The following BATF2 variants were observed in gnomAD, a reference collection of about 807,000 sequenced individuals.
The protein encoded by BATF2 is basic leucine zipper ATF-like transcription factor 2, also known as basic leucine zipper transcriptional factor ATF-like 2.
A neutral mutation model predicts 7.3 loss-of-function variants in BATF2; 4 were observed. The observed-to-expected ratio is 0.55, with a 90% confidence interval of 0.27 to 1.26. BATF2 has a LOEUF of 1.26. Among genes scored for constraint, BATF2 ranks in the 50% most tolerant of loss-of-function variants. The pLI, the probability that BATF2 is intolerant of heterozygous loss-of-function variation, is 0.11. For synonymous variants in BATF2, 152 were observed against 153.9 expected (o/e 0.99, Z 0.09); for missense variants, 295 against 340.5 (o/e 0.87, Z 1.05).
chr11:64,992,671 G>T (rs1276800546), intron 2 of BATF2, among the ~76,000 whole-genome samples: 1 of 151,690 alleles, frequency 6.6e-6, no homozygotes, highest in African/African-American at 2.4e-5. Context: ...GACCAGCCTG[G>T]GCTACATGGA....
At chr11:64,996,323 C>A (rs1415486927) in intron 1 of BATF2, among the ~76,000 whole-genome samples, 1 of 152,180 alleles carries the variant, frequency 6.6e-6, no homozygotes, top group African/African-American at 2.4e-5. Flanking sequence ...GTGACATGAG[C>A]TCAGCTTACT....
Position 64,991,127 on chromosome 11 carries a change from G to A in BATF2, c.142-1315C>T, listed in dbSNP as rs543297416. On this transcript the variant is annotated intron_variant, in intron 2 of 2. Coordinates refer to ENST00000301887, the MANE Select transcript of BATF2 (RefSeq NM_138456.4). ...TGAAAGCCACCAGCCCCATTGCCAC[G>A]CTGGTTTCTACATGTGGAATGATGA... Among the ~76,000 whole-genome samples the A allele has an allele frequency of 6.8e-5, 10 of 147,064 alleles. No homozygotes were observed. In the South Asian group the frequency reaches 2.0e-3, roughly 29 times the overall value.
At chr11:64,992,736 C>A (rs1191880848) in intron 2 of BATF2, among the ~76,000 whole-genome samples, 1 of 151,622 alleles carries the variant, frequency 6.6e-6, no homozygotes, top group African/African-American at 2.4e-5. Flanking sequence ...TGGTGCATGC[C>A]TGTAGTCTCA....
chr11:64,989,743 C>T lies in BATF2; in HGVS notation c.211G>A (p.Ala71Thr), dbSNP rs1565165570. 5.0e-6 allele frequency: 8 copies of T among 1,614,028 alleles called. No homozygotes were observed. The highest frequency in any genetic ancestry group is 1.7e-5 in the Admixed American group (1 of 60,026). ...ACGTGCAGGGTCCGGCTCCACCACG[C>T]CAGCTCGGCCTGCAGGGACTGGATC... The part of the protein sequence containing the change: ...KEIQSLQAEL[A>T]WWSRTLHVHE... The change falls in exon 3 of 3, where the codon GCG becomes ACG. Residue 71 changes from alanine to threonine, a missense_variant. Physicochemically the swap from Ala to Thr is moderately conservative, Grantham distance 58. Coordinates refer to ENST00000301887, the MANE Select transcript of BATF2 (RefSeq NM_138456.4). This position sits in a 1 kb window ranked among gnomAD's most constrained non-coding sequence, Gnocchi z 4.3.
chr11:64,995,252 G>T (rs12290575), intron 1 of BATF2, among the ~76,000 whole-genome samples: 2 of 152,152 alleles, frequency 1.3e-5, no homozygotes, highest in Non-Finnish European at 2.9e-5. Context: ...GCCCAGAGCC[G>T]GCGTGCCATA....
chr11:64,994,364 C>T, intron 2 of BATF2, 84 bp downstream of exon 2: 1 of 1,329,556 alleles, frequency 7.5e-7, no homozygotes, highest in South Asian at 1.3e-5. Flanking sequence ...TGGGGGAGGT[C>T]TGCTCAAAGG....
In BATF2 at chr11:64,989,898, A is replaced by C. The variant is rs1196540063; in HGVS notation, c.142-86T>G. ...GCCTTAGCCCCTTCCAGGGTCCTCA[A>C]CTTCAGGAGAAAGATGCCACCACCA... On this transcript the variant is annotated intron_variant, in intron 2 of 2. Transcript: ENST00000301887. This position sits in a 1 kb window ranked among gnomAD's most constrained non-coding sequence, Gnocchi z 4.3. 6.7e-7 allele frequency: 1 copy of C among 1,498,174 alleles called. No individual in the cohort carries two copies. Among genetic ancestry groups the C allele is most frequent in the East Asian group, 2.4e-5 (1 of 41,672 alleles). The allele number at this position is 1,498,174 out of a possible 1,614,324, so 92.8% of individuals were successfully genotyped here.
At chr11:64,991,196 G>A (rs556776538) in intron 2 of BATF2, among the ~76,000 whole-genome samples, 10 of 137,136 alleles carry the variant, frequency 7.3e-5, no homozygotes, top group East Asian at 4.2e-4. Flanking sequence ...TTGCTCTGTC[G>A]CCCAGGCTGG....
rs1256218510 is a variant in BATF2, at chr11:64,988,953, G to T, written c.*176C>A. 4 of 630,122 alleles carry T rather than the reference G, an allele frequency of 6.3e-6. No individual in the cohort carries two copies. Among genetic ancestry groups the T allele is most frequent in the Admixed American group, 5.9e-5 (2 of 34,066 alleles). The allele number at this position is 630,122 out of a possible 1,614,324, so 39.0% of individuals were successfully genotyped here. A position where few individuals can be genotyped will look rare whatever the true frequency, so the allele number is the denominator to read the frequency against. On this transcript the variant is annotated 3_prime_UTR_variant, in exon 3 of 3. Coordinates refer to ENST00000301887, the MANE Select transcript of BATF2 (RefSeq NM_138456.4). ...GTGAGGTTGAAATAAGATATTGGTG[G>T]TGACAGGGCCTGTCACAGTGGGAGG... is the stretch of plus-strand genomic sequence containing the variant.
At chr11:64,990,167 G>C in intron 2 of BATF2, 1 of 1,535,712 alleles carries the variant, frequency 6.5e-7, no homozygotes, top group Non-Finnish European at 8.7e-7. Context: ...ATTAATTGCA[G>C]GTTAAAGCCC....
At chr11:64,996,585 T>G (rs1008098292) in intron 1 of BATF2, among the ~76,000 whole-genome samples, 1 of 151,940 alleles carries the variant, frequency 6.6e-6, no homozygotes, top group Admixed American at 6.6e-5. Flanking sequence ...CTGCTGTGAG[T>G]GTAGTGAGGG....
chr11:64,994,448 C>T lies in BATF2; in HGVS notation c.141G>A (p.Gln47=), dbSNP rs749485710. 2 of 1,576,326 alleles carry T rather than the reference C, an allele frequency of 1.3e-6. No individual in the cohort carries two copies. The highest frequency in any genetic ancestry group is 8.6e-7 in the Non-Finnish European group (1 of 1,160,590). Reference sequence around the variant, plus strand: ...GAAAGGGGTTAGGGGTTGTCCACACCTGGTGCAGGGCGTCTGCCTTGTCTG... The same window carrying T: ...GAAAGGGGTTAGGGGTTGTCCACACTTGGTGCAGGGCGTCTGCCTTGTCTG... ...KHTDKADALH[Q]QHESLEKDNL... is the part of the protein sequence containing the mutation. Residue 47 remains glutamine, a splice_region_variant and synonymous_variant, in exon 2 of 3, where the codon CAG becomes CAA. Transcript: ENST00000301887.
chr11:64,989,291 G>A lies in BATF2; in HGVS notation c.663C>T (p.Ser221=), dbSNP rs1946051463. 6.3e-6 allele frequency: 10 copies of A among 1,592,176 alleles called. No homozygotes were observed. The highest frequency in any genetic ancestry group is 7.7e-6 in the Non-Finnish European group (9 of 1,168,420). ...LEHPTRGKLG[S]SPDNPSSALG... The stretch of plus-strand genomic sequence containing the variant: ...GGGCAGAGGAAGGGTTGTCGGGAGA[G>A]GACCCCAGCTTCCCTCTGGTGGGAT... The change falls in exon 3 of 3, where the codon TCC becomes TCT. Residue 221 remains serine, a synonymous_variant. Transcript: ENST00000301887. This position sits in a 1 kb window ranked among gnomAD's most constrained non-coding sequence, Gnocchi z 4.3.
At chr11:64,990,044 C>G in intron 2 of BATF2, 1 of 1,537,540 alleles carries the variant, frequency 6.5e-7, no homozygotes, top group Non-Finnish European at 8.7e-7. Context: ...CATCCCACCA[C>G]TAGTGCCCTG....
In BATF2 at chr11:64,994,484, C is replaced by T. The variant is rs762611825; in HGVS notation, c.105G>A (p.Arg35=). 26 of 1,600,398 alleles carry T rather than the reference C, an allele frequency of 1.6e-5. No individual in the cohort carries two copies. The highest frequency in any genetic ancestry group is 6.9e-5 in the Admixed American group (4 of 57,792). Residue 35 remains arginine (R), a synonymous_variant, in exon 2 of 3, where the codon CGG becomes CGA. Transcript: ENST00000301887. ...QKNRAAAQRS[R]QKHTDKADAL... is the part of the protein sequence containing the mutation. Reference sequence around the variant, plus strand: ...CGTCTGCCTTGTCTGTGTGCTTCTGCCGGCTTCGCTGGGCGGCTGCCCGGT... The same window carrying T: ...CGTCTGCCTTGTCTGTGTGCTTCTGTCGGCTTCGCTGGGCGGCTGCCCGGT...
chr11:64,990,123 C>G, intron 2 of BATF2: 1 of 1,535,756 alleles, frequency 6.5e-7, no homozygotes, highest in Non-Finnish European at 8.7e-7. Context: ...ACCACCTATT[C>G]TCTTGCCCAC....
In BATF2 at chr11:64,990,505, T is replaced by C. The variant is rs74601895; in HGVS notation, c.142-693A>G. Reference sequence around the variant, plus strand: ...AGGATTCAGGGGATTGTTTTACAGGTTGACAGCATGAGTGTGTTCGATTCT... The same window carrying C: ...AGGATTCAGGGGATTGTTTTACAGGCTGACAGCATGAGTGTGTTCGATTCT... On this transcript the variant is annotated intron_variant, in intron 2 of 2. Coordinates refer to ENST00000301887, the MANE Select transcript of BATF2 (RefSeq NM_138456.4). 2,542 of 1,182,028 alleles carry C rather than the reference T, an allele frequency of 2.2e-3. 43 individuals carry two copies. The African/African-American group carries it at 0.037, about 17-fold the overall frequency. The allele number at this position is 1,182,028 out of a possible 1,614,324, so 73.2% of individuals were successfully genotyped here.
At chr11:64,990,062 G>A (rs1297782677) in intron 2 of BATF2, 1 of 1,536,648 alleles carries the variant, frequency 6.5e-7, no homozygotes, top group Non-Finnish European at 8.7e-7. Flanking sequence ...CTGAGCCGGT[G>A]CCATTTCTCA....
intron 2 of BATF2, among the ~76,000 whole-genome samples, chr11:64,991,269 G>T (rs1371975720): frequency 3.4e-5 from 5 of 148,934 alleles, no homozygotes; most frequent in African/African-American, 1.2e-4. Flanking sequence ...CGATTCTCCT[G>T]CCTCAGCCTC....
Sources: allele counts gnomAD v4.1 joint callset (sites outside exome capture counted in the v4.1 genomes callset), GRCh38; gene constraint gnomAD v4.1.1; non-coding constraint Gnocchi (gnomAD v3.1); transcripts MANE v1.5; gene names NCBI Gene and HGNC (gene_info 2026-07-23, HGNC 2026-07-21).